Variants in PCDHA4 observed in about 807,000 individuals in gnomAD.
PCDHA4 encodes protocadherin alpha 4.
In PCDHA4, 49 loss-of-function variants were observed where a neutral mutation model predicts 61.4. The observed-to-expected ratio is 0.80, with a 90% CI of 0.63 to 1.01. PCDHA4 has a LOEUF of 1.01. PCDHA4 is among the 50% of genes least tolerant of loss of function. The pLI is 0.00. For missense variants in PCDHA4, 1,254 were observed against 1,235.8 expected (o/e 1.01, Z -0.22); for synonymous variants, 590 against 550.3 (o/e 1.07, Z -1.01).
chr5:140,940,825 G>A (rs782539336), intron 1 of PCDHA4, among the ~76,000 whole-genome samples: 53 of 152,232 alleles, frequency 3.5e-4, no homozygotes, highest in South Asian at 6.2e-4. Context: ...ATCTTGGATG[G>A]AAATACCTTT....
At chr5:140,858,220 G>A (rs1271468400) in intron 1 of PCDHA4, 1 of 1,595,980 alleles carries the variant, frequency 6.3e-7, no homozygotes, top group South Asian at 1.1e-5. Context: ...GCTCGGCGGC[G>A]CCCACCGAGG....
At chr5:140,982,683 T>C in intron 3 of PCDHA4, 120 bp downstream of exon 3, 2 of 1,424,800 alleles carry the variant, frequency 1.4e-6, no homozygotes, top group Non-Finnish European at 1.8e-6. Context: ...TATTCCCTTT[T>C]TTCCATACAT....
chr5:140,981,685 C>T (rs369964011), intron 2 of PCDHA4, among the ~76,000 whole-genome samples: 1 of 152,048 alleles, frequency 6.6e-6, no homozygotes, highest in African/African-American at 2.4e-5. Flanking sequence ...TTCCTCCCTT[C>T]CATCATTCAT....
chr5:140,833,822 T>C (rs1020023759), intron 1 of PCDHA4, among the ~76,000 whole-genome samples: 1 of 152,148 alleles, frequency 6.6e-6, no homozygotes, highest in Non-Finnish European at 1.5e-5. Context: ...CCTGGGTCCC[T>C]AAAAGAGTAC....
chr5:140,830,329 G>C (rs2150185018), intron 1 of PCDHA4: 1 of 1,614,050 alleles, frequency 6.2e-7, no homozygotes, highest in Non-Finnish European at 8.5e-7. Flanking sequence ...GCGCAGTGGG[G>C]AGCTGGTCGT....
chr5:140,849,542 G>T lies in PCDHA4; in HGVS notation c.2385+39970G>T. On this transcript the variant is annotated intron_variant, in intron 1 of 3. Coordinates refer to ENST00000530339, the MANE Select transcript of PCDHA4 (RefSeq NM_018907.4). ...TGGATGTAAATGACAATGCTCCACAGTTGACTATCAAAACGCTCTCGGTTC... is the reference window on the plus strand; with the variant it reads ...TGGATGTAAATGACAATGCTCCACATTTGACTATCAAAACGCTCTCGGTTC... 3.1e-6 allele frequency: 5 copies of T among 1,598,272 alleles called. No homozygotes were observed. The South Asian group carries it at 5.5e-5, about 18-fold the overall frequency.
intron 1 of PCDHA4, chr5:140,824,442 T>C (rs1218681700): frequency 6.3e-6 from 3 of 472,476 alleles, no homozygotes; most frequent in African/African-American, 6.0e-5. Context: ...TTTCAGTTTA[T>C]GACTACATGA....
chr5:140,829,595 C>G (rs147522996), intron 1 of PCDHA4: 3 of 1,611,886 alleles, frequency 1.9e-6, no homozygotes, highest in Non-Finnish European at 2.5e-6. Flanking sequence ...GGTGGGCGAG[C>G]GCGCGTTGTC....
At chr5:140,921,101 C>A (rs1331761775) in intron 1 of PCDHA4, among the ~76,000 whole-genome samples, 1 of 152,002 alleles carries the variant, frequency 6.6e-6, no homozygotes, top group Non-Finnish European at 1.5e-5. Context: ...CTGCCTCAGT[C>A]TCCTAAGTAG....
Position 140,893,497 on chromosome 5 carries a change from GA to G in PCDHA4, c.2385+83934del, listed in dbSNP as rs1157700367. Among the ~76,000 whole-genome samples the G allele has an allele frequency of 3.1e-4, 47 of 150,168 alleles. No individual in the cohort carries two copies. The Middle Eastern group carries it at 0.01, about 33-fold the overall frequency. ...GCAAGACCCTGTTCTTCACAAAAAAGAAAAAAAAAGCAGTTGTAGAACTCCT... is the reference window on the plus strand; with the variant it reads ...GCAAGACCCTGTTCTTCACAAAAAAGAAAAAAAAGCAGTTGTAGAACTCCT... On this transcript the variant is annotated intron_variant, in intron 1 of 3. Transcript: ENST00000530339.
chr5:140,877,697 C>T (rs2057290837), intron 1 of PCDHA4: 15 of 1,613,794 alleles, frequency 9.3e-6, no homozygotes, highest in Non-Finnish European at 1.3e-5. Flanking sequence ...CTGGTGTGCT[C>T]CAGCGCCGTG....
chr5:140,967,837 C>T (rs2096189054), intron 1 of PCDHA4: 4 of 1,613,994 alleles, frequency 2.5e-6, no homozygotes, highest in African/African-American at 2.7e-5. Context: ...ACATCGTGGA[C>T]GTGAATGACA....
At chr5:140,822,293 C>G (rs2150115292) in intron 1 of PCDHA4, 1 of 1,614,164 alleles carries the variant, frequency 6.2e-7, no homozygotes, top group Non-Finnish European at 8.5e-7. Flanking sequence ...AGGTTAAATC[C>G]AAACGAATAT....
chr5:140,877,155 C>G (rs782559744), intron 1 of PCDHA4: 21 of 1,613,680 alleles, frequency 1.3e-5, no homozygotes, highest in Non-Finnish European at 1.8e-5. Flanking sequence ...AGAACGACAA[C>G]GCGCCGGCAC....
At chr5:140,991,985 A>G (rs114196704) in intron 3 of PCDHA4, among the ~76,000 whole-genome samples, 1,827 of 150,246 alleles carry the variant, frequency 0.012, 17 homozygotes, top group Non-Finnish European at 0.019. Context: ...TCTGCCTACC[A>G]CCCGGTCTTT....
rs190376919 is a variant in PCDHA4 at position 140,840,629 on chromosome 5, G to A, written c.2385+31057G>A. Among the ~76,000 whole-genome samples, 4 of 152,140 alleles carry A rather than the reference G, an allele frequency of 2.6e-5. No homozygotes were observed. The East Asian group carries it at 7.7e-4, about 29-fold the overall frequency. On this transcript the variant is annotated intron_variant, in intron 1 of 3. Coordinates refer to ENST00000530339, the MANE Select transcript of PCDHA4 (RefSeq NM_018907.4). ...GAGAGGCTGAATTTAACAAGCTATA[G>A]AGATATAGAGAAATAGTGTAAAGAA...
chr5:140,833,598 C>T (rs1772539166), intron 1 of PCDHA4, among the ~76,000 whole-genome samples: 1 of 152,154 alleles, frequency 6.6e-6, no homozygotes, highest in African/African-American at 2.4e-5. Context: ...TATATAGATT[C>T]TGCTAAAGCA....
At chr5:140,863,166 G>T (rs782088342) in intron 1 of PCDHA4, 4 of 672,474 alleles carry the variant, frequency 5.9e-6, no homozygotes, top group African/African-American at 5.4e-5. Flanking sequence ...GCGAGCTGGC[G>T]CTGACTGCCA....
intron 1 of PCDHA4, among the ~76,000 whole-genome samples, chr5:140,906,435 C>T (rs2072652869): frequency 6.6e-6 from 1 of 152,120 alleles, no homozygotes; most frequent in Non-Finnish European, 1.5e-5. Flanking sequence ...ACATGATAAA[C>T]AAGAAAGGAA....
Sources: allele counts gnomAD v4.1 joint callset (sites outside exome capture counted in the v4.1 genomes callset), GRCh38; gene constraint gnomAD v4.1.1; transcripts MANE v1.5; gene names NCBI Gene and HGNC (gene_info 2026-07-23, HGNC 2026-07-21).